MAST4: variants seen among roughly 807,000 people sequenced by gnomAD.
MAST4 encodes the protein microtubule-associated serine/threonine-protein kinase 4.
A neutral mutation model predicts 162.7 loss-of-function variants in MAST4; 89 were observed. That is an observed-to-expected ratio of 0.55 (90% CI 0.46 to 0.65). MAST4 has a LOEUF of 0.65. Among genes scored for constraint, MAST4 ranks in the 30% least tolerant of loss-of-function variants. The probability of loss-of-function intolerance (pLI) is 0.00; values close to 1 mark genes in which losing one functional copy is unlikely to be tolerated. For missense variants in MAST4, 3,153 were observed against 3,374.0 expected (o/e 0.93, Z 1.62); for synonymous variants, 1,479 against 1,361.1 (o/e 1.09, Z -1.91).
intron 4 of MAST4, among the ~76,000 whole-genome samples, chr5:66,984,931 T>G (rs994764987): frequency 5.9e-5 from 9 of 152,188 alleles, no homozygotes; most frequent in Non-Finnish European, 1.2e-4. Context: ...GTGTTGAATT[T>G]GAGATCTTTA....
At chr5:67,086,132 TTCAA>T (rs1763208510) in intron 5 of MAST4, among the ~76,000 whole-genome samples, 1 of 152,172 alleles carries the variant, frequency 6.6e-6, no homozygotes, top group African/African-American at 2.4e-5. Flanking sequence ...ACAACAAAGA[TTCAA>T]ATGGGGGCTT....
chr5:67,048,987 G>A (rs867793367), intron 4 of MAST4, among the ~76,000 whole-genome samples: 1,188 of 102,222 alleles, frequency 0.012, 26 homozygotes, highest in African/African-American at 0.039. Context: ...ATATATATAT[G>A]TATATATATA....
At chr5:66,949,904 G>T (rs1292978148) in intron 4 of MAST4, among the ~76,000 whole-genome samples, 2 of 152,078 alleles carry the variant, frequency 1.3e-5, no homozygotes, top group Non-Finnish European at 2.9e-5. Flanking sequence ...TTTAAAAGAG[G>T]GAGTATATTT....
intron 3 of MAST4, among the ~76,000 whole-genome samples, chr5:66,805,261 G>A (rs1011408650): frequency 1.2e-4 from 18 of 152,012 alleles, no homozygotes; most frequent in African/African-American, 4.8e-5. Flanking sequence ...ACTACTTTTC[G>A]CATATACTAC....
chr5:66,732,664 C>A (rs1468971157), intron 1 of MAST4, among the ~76,000 whole-genome samples: 2 of 152,196 alleles, frequency 1.3e-5, no homozygotes, highest in Non-Finnish European at 2.9e-5. Context: ...AAAAACTGAA[C>A]AGATGCATAC....
chr5:66,973,759 A>G (rs1747762701), intron 4 of MAST4, among the ~76,000 whole-genome samples: 1 of 152,176 alleles, frequency 6.6e-6, no homozygotes, highest in Admixed American at 6.5e-5. Context: ...CTTCAGTTGA[A>G]GAATATTCCC....
rs375349855 is a variant in MAST4 at position 67,054,222 on chromosome 5, A to T, written c.675-182A>T. Among the ~76,000 whole-genome samples the T allele has an allele frequency of 1.7e-3, 259 of 152,338 alleles. 2 individuals carry two copies. The highest frequency in any genetic ancestry group is 6.1e-3 in the African/African-American group (254 of 41,572). ...TGGTGTTGTGCTATATGAATACATTATATTTTCTAATATTCAAGAGGTAGC... is the reference window on the plus strand; with the variant it reads ...TGGTGTTGTGCTATATGAATACATTTTATTTTCTAATATTCAAGAGGTAGC... On this transcript the variant is annotated intron_variant, in intron 4 of 28. Coordinates refer to ENST00000403625, the MANE Select transcript of MAST4 (RefSeq NM_001164664.2).
At chr5:66,751,043 T>C (rs185629176) in intron 1 of MAST4, among the ~76,000 whole-genome samples, 2,621 of 150,908 alleles carry the variant, frequency 0.017, 42 homozygotes, top group Non-Finnish European at 0.023. Flanking sequence ...CACACTGACA[T>C]CTCACACGGC....
At chr5:66,745,609 C>CA (rs990986060) in intron 1 of MAST4, among the ~76,000 whole-genome samples, 253 of 152,274 alleles carry the variant, frequency 1.7e-3, no homozygotes, top group African/African-American at 5.8e-3. Context: ...AGGCATTAAG[C>CA]AATACCAGCA....
intron 4 of MAST4, among the ~76,000 whole-genome samples, chr5:66,990,013 G>A (rs1749895927): frequency 1.3e-5 from 2 of 152,292 alleles, no homozygotes; most frequent in South Asian, 4.1e-4. Context: ...ACAGAGGATT[G>A]AGACTTAGAA....
chr5:66,760,604 A>G (rs1343430285), intron 2 of MAST4, among the ~76,000 whole-genome samples: 1 of 152,168 alleles, frequency 6.6e-6, no homozygotes, highest in East Asian at 1.9e-4. Flanking sequence ...TATAGATTAG[A>G]TAGACCTTAT....
At chr5:67,004,892 G>GC (rs1561522975) in intron 4 of MAST4, 2 of 656,690 alleles carry the variant, frequency 3.0e-6, no homozygotes, top group Non-Finnish European at 2.8e-6. Context: ...AGATAATTGG[G>GC]ATTTTTTTTT....
At chr5:66,975,996 TA>T (rs58242048) in intron 4 of MAST4, among the ~76,000 whole-genome samples, 5 of 151,278 alleles carry the variant, frequency 3.3e-5, no homozygotes, top group East Asian at 1.9e-4. Context: ...AGACTCCATC[TA>T]AAAAAAAATG....
At chr5:67,063,951 G>C (rs188332628) in intron 5 of MAST4, among the ~76,000 whole-genome samples, 23 of 152,290 alleles carry the variant, frequency 1.5e-4, no homozygotes, top group Admixed American at 8.5e-4. Flanking sequence ...CGAGAAAAAT[G>C]AATCAGAGGT....
At chr5:66,935,870 G>C (rs1378895370) in intron 4 of MAST4, among the ~76,000 whole-genome samples, 1 of 152,034 alleles carries the variant, frequency 6.6e-6, no homozygotes, top group East Asian at 1.9e-4. Context: ...GTTTCATCAT[G>C]TTAGCCAGGC....
intron 9 of MAST4, 94 bp from the exon 10 acceptor site, chr5:67,104,272 G>A: frequency 1.1e-6 from 1 of 949,252 alleles, no homozygotes; most frequent in Non-Finnish European, 1.7e-6. Flanking sequence ...AACTTGTGGA[G>A]GTCTCTGAAA....
At chr5:66,695,235 G>GCTAGC (rs1749322032) in intron 1 of MAST4, among the ~76,000 whole-genome samples, 1 of 152,070 alleles carries the variant, frequency 6.6e-6, no homozygotes, top group Non-Finnish European at 1.5e-5. Context: ...TCTGCATATG[G>GCTAGC]CTAGCCAGTT....
Position 67,121,032 on chromosome 5 carries a change from C to A in MAST4, c.1675C>A (p.Leu559Met), listed in dbSNP as rs377064413. The change falls in exon 14 of 29, where the codon CTG (leucine) becomes ATG (methionine). Residue 559 changes from leucine (L) to methionine (M), a missense_variant. By Grantham distance (15) the Leu-to-Met change is conservative. This residue lies in a region of MAST4 where 360 missense variants were observed against 450.0 expected (regional missense o/e 0.80). Transcript: ENST00000403625. ...DESVSSSNASLKLRRKPRESD... is the reference protein window; with the variant it reads ...DESVSSSNASMKLRRKPRESD... Reference sequence around the variant, plus strand: ...TGTTTCCAAGAGCTCTAATGCCTCCCTGAAACTTCGAAGGAAACCTCGGGA... The same window carrying A: ...TGTTTCCAAGAGCTCTAATGCCTCCATGAAACTTCGAAGGAAACCTCGGGA... 2.5e-6 allele frequency: 4 copies of A among 1,610,644 alleles called. No individual in the cohort carries two copies. In the East Asian group the frequency reaches 8.9e-5, roughly 36 times the overall value.
At chr5:66,963,117 C>T (rs969575619) in intron 4 of MAST4, among the ~76,000 whole-genome samples, 3 of 152,020 alleles carry the variant, frequency 2.0e-5, no homozygotes. Context: ...TTGAGAAGAC[C>T]TCTCTGGAAG....
Sources: allele counts gnomAD v4.1 joint callset (sites outside exome capture counted in the v4.1 genomes callset), GRCh38; gene constraint gnomAD v4.1.1; regional missense constraint gnomAD v4.1.1; transcripts MANE v1.5; gene names NCBI Gene and HGNC (gene_info 2026-07-23, HGNC 2026-07-21).